The following KAZN variants were observed in gnomAD, a reference collection of about 807,000 sequenced individuals.
The protein encoded by KAZN is kazrin, periplakin interacting protein.
Under a neutral mutation model 87.4 loss-of-function variants are expected in KAZN, and 40 were observed. The ratio of observed to expected loss-of-function variants is 0.46; its 90% CI spans 0.36 to 0.60. The LOEUF (loss-of-function observed/expected upper bound fraction) is 0.60, where lower values mean the gene tolerates loss of function less well. Among genes scored for constraint, KAZN ranks in the 20% least tolerant of loss-of-function variants. The pLI is 0.00. For synonymous variants in KAZN, 466 were observed against 458.3 expected, an observed-to-expected ratio of 1.02 and a Z score of -0.22; for missense variants, 898 against 1,073.9, an observed-to-expected ratio of 0.84 and a Z score of 2.29.
intron 1 of KAZN, among the ~76,000 whole-genome samples, chr1:14,162,547 C>CTTTTTTTT (rs113937893): frequency 7.2e-6 from 1 of 138,828 alleles, no homozygotes; most frequent in African/African-American, 2.7e-5. Context: ...TTTCTTTTTT[C>CTTTTTTTT]TTTTTTTTTT....
chr1:14,124,082 A>T (rs10429937), intron 1 of KAZN, among the ~76,000 whole-genome samples: 84,154 of 152,122 alleles, frequency 0.55, 24,375 homozygotes, highest in East Asian at 0.75. Context: ...CATGTAACTC[A>T]GTTTCTTTCT....
At chr1:13,983,329 A>T (rs1399323772) in intron 1 of KAZN, among the ~76,000 whole-genome samples, 1 of 152,244 alleles carries the variant, frequency 6.6e-6, no homozygotes, top group Non-Finnish European at 1.5e-5. Flanking sequence ...GCTAAGGCCC[A>T]GCGAGAAATC....
intron 1 of KAZN, among the ~76,000 whole-genome samples, chr1:14,008,361 G>C (rs773554990): frequency 6.6e-6 from 1 of 152,158 alleles, no homozygotes; most frequent in Non-Finnish European, 1.5e-5. Context: ...ATGAAAAGGA[G>C]ACTAGGGTGG....
chr1:14,209,623 A>G (rs890883502), intron 2 of KAZN, among the ~76,000 whole-genome samples: 2 of 152,218 alleles, frequency 1.3e-5, no homozygotes, highest in African/African-American at 2.4e-5. Context: ...ATGTGGCACT[A>G]ATAAATTTAC....
chr1:13,900,593 A>C (rs550139586), intron 1 of KAZN, among the ~76,000 whole-genome samples: 1 of 152,322 alleles, frequency 6.6e-6, no homozygotes, highest in Non-Finnish European at 1.5e-5. Context: ...GGCCTCCCAC[A>C]TCACTACATC....
intron 2 of KAZN, among the ~76,000 whole-genome samples, chr1:14,587,126 T>C (rs1675899044): frequency 6.6e-6 from 1 of 152,136 alleles, no homozygotes; most frequent in African/African-American, 2.4e-5. Context: ...TACAAAGAAA[T>C]ACCTGAGCCT....
chr1:14,321,270 ACTCTAT>A (rs1264462512), intron 2 of KAZN, among the ~76,000 whole-genome samples: 1 of 152,038 alleles, frequency 6.6e-6, no homozygotes, highest in African/African-American at 2.4e-5. Flanking sequence ...CTTTTTAAAA[ACTCTAT>A]CTCAAAGTCA....
intron 1 of KAZN, among the ~76,000 whole-genome samples, chr1:14,036,002 A>G (rs574293655): frequency 8.7e-4 from 133 of 152,340 alleles, no homozygotes; most frequent in African/African-American, 3.1e-3. Flanking sequence ...GAAATGAGAG[A>G]GTCTGAAAAG....
At chr1:14,266,485 C>T (rs1319734817) in intron 2 of KAZN, among the ~76,000 whole-genome samples, 1 of 152,226 alleles carries the variant, frequency 6.6e-6, no homozygotes, top group Non-Finnish European at 1.5e-5. Flanking sequence ...TTTGTACTCA[C>T]AAAAGCATCA....
chr1:14,650,032 CTT>C (rs34399319), intron 1 of KAZN, among the ~76,000 whole-genome samples: 2,038 of 88,236 alleles, frequency 0.023, 21 homozygotes, highest in Non-Finnish European at 0.033. Context: ...CTCCACCCAT[CTT>C]TTTTTTTTTT....
chr1:14,323,589 A>C (rs1656200902), intron 2 of KAZN, among the ~76,000 whole-genome samples: 1 of 152,044 alleles, frequency 6.6e-6, no homozygotes, highest in African/African-American at 2.4e-5. Flanking sequence ...TTCAAGATAA[A>C]ATCTTCCTAT....
chr1:15,030,211 C>G (rs1180433180), intron 2 of KAZN, among the ~76,000 whole-genome samples: 1 of 152,194 alleles, frequency 6.6e-6, no homozygotes, highest in Non-Finnish European at 1.5e-5. Flanking sequence ...GGGGCCCCGG[C>G]TCTTCCTTAA....
intron 1 of KAZN, among the ~76,000 whole-genome samples, chr1:14,802,270 G>T (rs187775843): frequency 2.0e-5 from 3 of 152,116 alleles, no homozygotes; most frequent in Middle Eastern, 3.4e-3. Context: ...CAGGTGTGGT[G>T]GTTTGTGCCT....
chr1:15,075,304 T>TA (rs1283589538), intron 8 of KAZN, among the ~76,000 whole-genome samples: 1 of 152,234 alleles, frequency 6.6e-6, no homozygotes, highest in Non-Finnish European at 1.5e-5. Context: ...CCTGGGTCAG[T>TA]AAGTTTTGGA....
At chr1:13,917,234 G>A (rs1447166021) in intron 1 of KAZN, among the ~76,000 whole-genome samples, 1 of 152,224 alleles carries the variant, frequency 6.6e-6, no homozygotes, top group Non-Finnish European at 1.5e-5. Context: ...TGTTGATGGA[G>A]AAGCTGCAGC....
chr1:14,469,974 G>T (rs963299977), intron 2 of KAZN, among the ~76,000 whole-genome samples: 1 of 152,154 alleles, frequency 6.6e-6, no homozygotes, highest in African/African-American at 2.4e-5. Context: ...AATGGATGGT[G>T]TTGCATTGAT....
rs915847570 is a variant in KAZN, at chr1:15,077,622, G to A, written c.1222+11869G>A. Among the ~76,000 whole-genome samples, 2 of 152,190 alleles carry A rather than the reference G, an allele frequency of 1.3e-5. No homozygotes were observed. The highest frequency in any genetic ancestry group is 1.3e-4 in the Admixed American group (2 of 15,280). On this transcript the variant is annotated intron_variant, in intron 8 of 14. Transcript: ENST00000376030. The surrounding 1 kb of genome is among the most constrained non-coding windows in gnomAD (Gnocchi z 4.8). ...CCACGTGACTCAGTTGTTTTTTATA[G>A]TCACTACCGGAGTCTCTGGGACTCA...
chr1:14,186,949 C>T (rs931476289), intron 2 of KAZN, among the ~76,000 whole-genome samples: 3 of 152,024 alleles, frequency 2.0e-5, no homozygotes, highest in African/African-American at 7.2e-5. Context: ...CTGATGACAG[C>T]GTACATGGGG....
chr1:14,159,444 A>G (rs187718776), intron 1 of KAZN, among the ~76,000 whole-genome samples: 7 of 152,288 alleles, frequency 4.6e-5, no homozygotes, highest in Non-Finnish European at 8.8e-5. Context: ...CTTAAGGCTC[A>G]AGGACTCTTT....
Sources: allele counts gnomAD v4.1 joint callset (sites outside exome capture counted in the v4.1 genomes callset), GRCh38; gene constraint gnomAD v4.1.1; non-coding constraint Gnocchi (gnomAD v3.1); transcripts MANE v1.5; gene names NCBI Gene and HGNC (gene_info 2026-07-23, HGNC 2026-07-21).